Variants in GRM5 observed in about 807,000 individuals in gnomAD.
The protein encoded by GRM5 is metabotropic glutamate receptor 5.
Under a neutral mutation model 83.1 loss-of-function variants are expected in GRM5, and 19 were observed. That is an observed-to-expected ratio of 0.23 (90% confidence interval 0.16 to 0.34). The LOEUF (loss-of-function observed/expected upper bound fraction) is 0.34. Among genes scored for constraint, GRM5 ranks in the 10% least tolerant of loss-of-function variants. GRM5 has a pLI of 1.00. For synonymous variants in GRM5, 675 were observed against 633.6 expected (o/e 1.07, Z -0.98); for missense variants, 1,160 against 1,588.3 (o/e 0.73, Z 4.58).
intron 2 of GRM5, among the ~76,000 whole-genome samples, chr11:88,945,149 T>C (rs202143604): frequency 8.2e-5 from 12 of 146,990 alleles, no homozygotes; most frequent in Admixed American, 6.8e-4. Context: ...CACACACACA[T>C]ACACACAAAA....
At chr11:88,527,775 T>A (rs1264855649) in intron 8 of GRM5, among the ~76,000 whole-genome samples, 1 of 152,006 alleles carries the variant, frequency 6.6e-6, no homozygotes, top group African/African-American at 2.4e-5. Flanking sequence ...AAGAATGAGA[T>A]CATGTCCTTT....
intron 3 of GRM5, among the ~76,000 whole-genome samples, chr11:88,802,240 T>C (rs896305575): frequency 2.0e-5 from 3 of 152,038 alleles, no homozygotes; most frequent in Non-Finnish European, 4.4e-5. Context: ...CCAGCTCAGC[T>C]CACAAAAATC....
chr11:88,617,097 T>C (rs955815210), intron 4 of GRM5, among the ~76,000 whole-genome samples: 3 of 152,226 alleles, frequency 2.0e-5, no homozygotes, highest in Admixed American at 6.5e-5. Context: ...AAAGCATTCC[T>C]TTGTAGAACA....
chr11:88,838,863 T>C (rs1944140678), intron 3 of GRM5, among the ~76,000 whole-genome samples: 1 of 117,888 alleles, frequency 8.5e-6, no homozygotes, highest in South Asian at 2.7e-4. Flanking sequence ...CCACACCCCT[T>C]ATGCTACACA....
At chr11:88,898,823 A>G (rs1169888231) in intron 2 of GRM5, among the ~76,000 whole-genome samples, 1 of 152,058 alleles carries the variant, frequency 6.6e-6, no homozygotes, top group Non-Finnish European at 1.5e-5. Context: ...TTGATATTAG[A>G]AACTGTTGCA....
chr11:88,823,611 G>T (rs766847832), intron 3 of GRM5, among the ~76,000 whole-genome samples: 1 of 152,070 alleles, frequency 6.6e-6, no homozygotes, highest in Admixed American at 6.6e-5. Flanking sequence ...TGACTAGGAT[G>T]CTCTCTGGCT....
At chr11:88,867,782 C>T (rs982479525) in intron 2 of GRM5, among the ~76,000 whole-genome samples, 2 of 151,750 alleles carry the variant, frequency 1.3e-5, no homozygotes, top group African/African-American at 4.8e-5. Context: ...AGAAGGAACA[C>T]AGCCTATTGA....
intron 2 of GRM5, among the ~76,000 whole-genome samples, chr11:89,027,830 C>T (rs1414772198): frequency 6.6e-6 from 1 of 152,198 alleles, no homozygotes; most frequent in Non-Finnish European, 1.5e-5. Flanking sequence ...CTGCTATGGT[C>T]TGAATATCCT....
At chr11:88,664,867 C>A (rs1351015058) in intron 3 of GRM5, among the ~76,000 whole-genome samples, 1 of 152,002 alleles carries the variant, frequency 6.6e-6, no homozygotes, top group East Asian at 1.9e-4. Flanking sequence ...ACTTGAGCAA[C>A]CACGAATTTT....
intron 3 of GRM5, among the ~76,000 whole-genome samples, chr11:88,848,790 G>T (rs555323674): frequency 6.6e-6 from 1 of 152,342 alleles, no homozygotes; most frequent in East Asian, 1.9e-4. Flanking sequence ...CTGTGTCTGT[G>T]AGAGTGTTCT....
chr11:88,699,171 T>C (rs558189754), intron 3 of GRM5, among the ~76,000 whole-genome samples: 5 of 152,326 alleles, frequency 3.3e-5, no homozygotes, highest in African/African-American at 1.2e-4. Flanking sequence ...AATTTGGGAA[T>C]GACAATGTGT....
chr11:88,880,975 A>G (rs1467264797), intron 2 of GRM5, among the ~76,000 whole-genome samples: 1 of 152,162 alleles, frequency 6.6e-6, no homozygotes, highest in African/African-American at 2.4e-5. Context: ...AGGACACAAC[A>G]CTGACCCTAA....
intron 2 of GRM5, among the ~76,000 whole-genome samples, chr11:89,007,324 T>C (rs1189789230): frequency 6.6e-6 from 1 of 152,218 alleles, no homozygotes; most frequent in Non-Finnish European, 1.5e-5. Context: ...ACCACTGTTC[T>C]TTTCATGTCA....
At chr11:88,649,986 T>G (rs908484817) in intron 4 of GRM5, among the ~76,000 whole-genome samples, 3 of 151,628 alleles carry the variant, frequency 2.0e-5, no homozygotes, top group African/African-American at 7.3e-5. Context: ...GCAAAAAAAA[T>G]TCTGAAGGGG....
intron 2 of GRM5, among the ~76,000 whole-genome samples, chr11:88,859,112 A>C (rs913773884): frequency 2.0e-5 from 3 of 152,092 alleles, no homozygotes; most frequent in African/African-American, 7.2e-5. Flanking sequence ...AAACTAAAGT[A>C]AGATGTGTAG....
chr11:88,799,085 C>T (rs534372883), intron 3 of GRM5, among the ~76,000 whole-genome samples: 1 of 151,474 alleles, frequency 6.6e-6, no homozygotes, highest in East Asian at 1.9e-4. Flanking sequence ...TTATAATACG[C>T]ATAAAGAGTT....
chr11:89,015,744 TAA>T (rs1407197808), intron 2 of GRM5, among the ~76,000 whole-genome samples: 3 of 152,216 alleles, frequency 2.0e-5, no homozygotes, highest in Non-Finnish European at 4.4e-5. Context: ...CCCAAATGGA[TAA>T]GAGTTATCTG....
intron 3 of GRM5, among the ~76,000 whole-genome samples, chr11:88,717,735 A>G (rs1941430290): frequency 6.6e-6 from 1 of 151,868 alleles, no homozygotes; most frequent in South Asian, 2.1e-4. Flanking sequence ...AAGGAAATGT[A>G]TATATACATT....
intron 2 of GRM5, among the ~76,000 whole-genome samples, chr11:88,982,834 A>C (rs1939572466): frequency 6.6e-6 from 1 of 152,148 alleles, no homozygotes; most frequent in Admixed American, 6.5e-5. Context: ...TGGGAGGCCG[A>C]AGCGAGTGGA....
Sources: allele counts gnomAD v4.1 joint callset (sites outside exome capture counted in the v4.1 genomes callset), GRCh38; gene constraint gnomAD v4.1.1; transcripts MANE v1.5; gene names NCBI Gene and HGNC (gene_info 2026-07-23, HGNC 2026-07-21).